ARHGAP19: variants seen among roughly 807,000 people sequenced by gnomAD.
ARHGAP19 encodes the protein Rho GTPase activating protein 19, also known as rho GTPase-activating protein 19.
ARHGAP19 carries 48 observed loss-of-function variants against 60.9 expected under a neutral mutation model. The ratio of observed to expected loss-of-function variants is 0.79; its 90% CI spans 0.62 to 1.00. ARHGAP19 has a LOEUF of 1.00. Among genes scored for constraint, ARHGAP19 ranks in the 50% least tolerant of loss-of-function variants. ARHGAP19 has a pLI of 0.00. For synonymous variants in ARHGAP19, 209 were observed against 215.5 expected, an observed-to-expected ratio of 0.97 and a Z score of 0.27; for missense variants, 562 against 597.2, an observed-to-expected ratio of 0.94 and a Z score of 0.61.
Position 97,224,068 on chromosome 10 carries a change from C to T in ARHGAP19, c.*2054G>A, listed in dbSNP as rs1850853645. On this transcript the variant is annotated 3_prime_UTR_variant, in exon 12 of 12. Coordinates refer to ENST00000358531, the MANE Select transcript of ARHGAP19 (RefSeq NM_032900.6). ...ATTCCATTCACCCAAAGAGCATCTA[C>T]ATCCGTCTAAATCTCAGCTACTTCC... The T allele has an allele frequency of 6.6e-6, 1 of 152,246 alleles. No homozygotes were observed. Among genetic ancestry groups the T allele is most frequent in the Non-Finnish European group, 1.5e-5 (1 of 68,028 alleles). 9.4% of individuals were successfully genotyped at this position (152,246 alleles called of 1,614,324 possible). A position where few individuals can be genotyped will look rare whatever the true frequency, so the allele number is the denominator to read the frequency against.
intron 1 of ARHGAP19, chr10:97,270,551 T>C (rs1842948663): frequency 4.1e-6 from 6 of 1,453,436 alleles, no homozygotes; most frequent in South Asian, 1.3e-5. Flanking sequence ...TACTCTACAA[T>C]ATTGTAAAAC....
chr10:97,250,527 G>A lies in ARHGAP19; in HGVS notation c.928-4190C>T, dbSNP rs183742946. Among the ~76,000 whole-genome samples the A allele has an allele frequency of 4.6e-5, 7 of 151,852 alleles. No homozygotes were observed. In the East Asian group the frequency reaches 9.8e-4, roughly 21 times the overall value. On this transcript the variant is annotated intron_variant, in intron 6 of 11. Transcript: ENST00000358531. ...AGCCTCCAAGTAGCTGAGACTACAG[G>A]CGCCCACCACCACGCCCGGCTAATT...
chr10:97,273,061 C>T (rs568558454), intron 1 of ARHGAP19, among the ~76,000 whole-genome samples: 4 of 152,156 alleles, frequency 2.6e-5, no homozygotes, highest in Non-Finnish European at 5.9e-5. Context: ...AGGATGGTCT[C>T]GATCTCCTGA....
At chr10:97,290,550 T>C (rs1843217640) in intron 1 of ARHGAP19, among the ~76,000 whole-genome samples, 1 of 152,070 alleles carries the variant, frequency 6.6e-6, no homozygotes, top group Non-Finnish European at 1.5e-5. Flanking sequence ...CAGAGAACAC[T>C]AGGCTTGCCA....
intron 6 of ARHGAP19, among the ~76,000 whole-genome samples, chr10:97,246,786 A>C (rs1024193209): frequency 6.6e-6 from 1 of 152,082 alleles, no homozygotes; most frequent in Non-Finnish European, 1.5e-5. Flanking sequence ...GGATGGCTTC[A>C]CTCCAGGAGT....
At position 97,233,206 on chromosome 10, in the gene ARHGAP19, C is replaced by T. The variant is rs1028815927; in HGVS notation, c.1284+2011G>A. On this transcript the variant is annotated intron_variant, in intron 9 of 11. Transcript: ENST00000358531. ...TCTCTACAAACATTTAAAAATCAGC[C>T]AGGTATGATGGCATGCACTTGTGGT... is the stretch of plus-strand genomic sequence containing the variant. 2.0e-5 allele frequency among the ~76,000 whole-genome samples: 3 copies of T among 151,316 alleles called. No homozygotes were observed. The South Asian group carries it at 6.3e-4, about 32-fold the overall frequency.
At chr10:97,268,737 A>T (rs905389594) in intron 1 of ARHGAP19, among the ~76,000 whole-genome samples, 2 of 152,008 alleles carry the variant, frequency 1.3e-5, no homozygotes, top group African/African-American at 4.8e-5. Context: ...TGATTCAATT[A>T]CCTCCCACTG....
intron 5 of ARHGAP19, among the ~76,000 whole-genome samples, chr10:97,258,406 C>G (rs185331528): frequency 1.3e-5 from 2 of 152,052 alleles, no homozygotes; most frequent in Admixed American, 1.3e-4. Flanking sequence ...TAGTGGCTCA[C>G]GCCTGTAGTC....
intron 8 of ARHGAP19, among the ~76,000 whole-genome samples, chr10:97,239,281 T>C (rs531288668): frequency 6.6e-6 from 1 of 152,050 alleles, no homozygotes; most frequent in Admixed American, 6.6e-5. Flanking sequence ...GATCACAAGG[T>C]CAGGAGAACG....
At chr10:97,286,106 G>T (rs1843151616) in intron 1 of ARHGAP19, among the ~76,000 whole-genome samples, 1 of 152,134 alleles carries the variant, frequency 6.6e-6, no homozygotes, top group Admixed American at 6.5e-5. Flanking sequence ...AAAATCCCCT[G>T]AAGAAATCTA....
chr10:97,270,700 C>A, intron 1 of ARHGAP19: 1 of 1,538,902 alleles, frequency 6.5e-7, no homozygotes, highest in Non-Finnish European at 8.8e-7. Flanking sequence ...ACTCTCCTTT[C>A]CCTGCCCCAG....
intron 7 of ARHGAP19, 102 bp from the exon 8 acceptor site, chr10:97,244,261 G>T: frequency 1.2e-6 from 1 of 869,036 alleles, no homozygotes; most frequent in Non-Finnish European, 1.8e-6. Context: ...TGGGGACATG[G>T]TATACTCCTA....
At position 97,262,762 on chromosome 10, in the gene ARHGAP19, C is replaced by T. The variant is rs563084540; in HGVS notation, c.613+658G>A. Among the ~76,000 whole-genome samples the T allele has an allele frequency of 7.9e-5, 12 of 152,228 alleles. No homozygotes were observed. In the South Asian group the frequency reaches 2.1e-3, roughly 26 times the overall value. On this transcript the variant is annotated intron_variant, in intron 4 of 11. Transcript: ENST00000358531. Reference sequence around the variant, plus strand: ...AAAACCCCAAACCAAGGCAAAAATACCGAACCTATAAACATCTGAAATATA... The same window carrying T: ...AAAACCCCAAACCAAGGCAAAAATATCGAACCTATAAACATCTGAAATATA...
At chr10:97,288,506 G>A (rs143684407) in intron 1 of ARHGAP19, among the ~76,000 whole-genome samples, 6,249 of 151,550 alleles carry the variant, frequency 0.041, 202 homozygotes, top group Non-Finnish European at 0.06. Flanking sequence ...CTTGAACTCG[G>A]GGGGGCAGAG....
chr10:97,268,765 T>C (rs1049719382), intron 1 of ARHGAP19, among the ~76,000 whole-genome samples: 12 of 152,152 alleles, frequency 7.9e-5, no homozygotes, highest in African/African-American at 2.9e-4. Context: ...CCCACAACCG[T>C]GGGGATTATG....
chr10:97,242,493 C>G (rs1347812693), intron 8 of ARHGAP19, among the ~76,000 whole-genome samples: 1 of 149,372 alleles, frequency 6.7e-6, no homozygotes, highest in Non-Finnish European at 1.5e-5. Context: ...GCCACCACAC[C>G]CGGCTAATTT....
intron 10 of ARHGAP19, 58 bp downstream of exon 10, chr10:97,229,706 T>C (rs552255503): frequency 7.7e-7 from 1 of 1,295,964 alleles, no homozygotes; most frequent in African/African-American, 1.5e-5. Flanking sequence ...TATATCAATT[T>C]TCCTCTTTTC....
chr10:97,230,466 C>A (rs1850987081), intron 9 of ARHGAP19, among the ~76,000 whole-genome samples: 1 of 152,140 alleles, frequency 6.6e-6, no homozygotes, highest in African/African-American at 2.4e-5. Flanking sequence ...AGACTAAAAG[C>A]CCTTTCATCT....
Position 97,263,494 on chromosome 10 carries a change from A to G in ARHGAP19, c.539T>C (p.Leu180Pro). The change falls in exon 4 of 12, where the codon CTG becomes CCG. Residue 180 changes from leucine to proline, a missense_variant. By Grantham distance (98) the Leu-to-Pro change is moderately conservative (BLOSUM62 -3). Coordinates refer to ENST00000358531, the MANE Select transcript of ARHGAP19 (RefSeq NM_032900.6). The stretch of plus-strand genomic sequence containing the variant: ...CGGCAACTCTCCTAGAAACATCTTC[A>G]GCAAAGTGGCAACATCATTTGAGTG... ...EFHSNDVATLLKMFLGELPEP... is the reference protein window; with the variant it reads ...EFHSNDVATLPKMFLGELPEP... 6.2e-7 allele frequency: 1 copy of G among 1,614,166 alleles called. No homozygotes were observed. The highest frequency in any genetic ancestry group is 8.5e-7 in the Non-Finnish European group (1 of 1,180,028).
Sources: allele counts gnomAD v4.1 joint callset (sites outside exome capture counted in the v4.1 genomes callset), GRCh38; gene constraint gnomAD v4.1.1; transcripts MANE v1.5; gene names NCBI Gene and HGNC (gene_info 2026-07-23, HGNC 2026-07-21).